SLC1A2: variants seen among roughly 807,000 people sequenced by gnomAD.
SLC1A2 encodes the protein solute carrier family 1 member 2.
A neutral mutation model predicts 48.8 loss-of-function variants in SLC1A2; 15 were observed. The observed-to-expected ratio is 0.31, with a 90% CI of 0.21 to 0.47. The LOEUF is 0.47. Ranked by LOEUF, SLC1A2 falls within the 20% of genes least tolerant of loss-of-function variation. SLC1A2 has a pLI of 0.99. For synonymous variants in SLC1A2, 279 were observed against 272.6 expected, an observed-to-expected ratio of 1.02 and a Z score of -0.23; for missense variants, 502 against 730.5, an observed-to-expected ratio of 0.69 and a Z score of 3.61.
chr11:35,277,108 T>C (rs1391076376), intron 9 of SLC1A2, among the ~76,000 whole-genome samples: 1 of 152,190 alleles, frequency 6.6e-6, no homozygotes, highest in African/African-American at 2.4e-5. Flanking sequence ...CACGATATAA[T>C]CACCTTTTAA....
intron 4 of SLC1A2, among the ~76,000 whole-genome samples, chr11:35,311,285 G>A (rs765791750): frequency 1.1e-4 from 17 of 152,152 alleles, no homozygotes; most frequent in South Asian, 1.0e-3. Flanking sequence ...TCGGCCTCCC[G>A]AGTAGCTGGG....
intron 1 of SLC1A2, among the ~76,000 whole-genome samples, chr11:35,349,793 G>A (rs1206029380): frequency 3.3e-5 from 5 of 152,240 alleles, no homozygotes; most frequent in Admixed American, 6.5e-5. Context: ...GGGATTGAGC[G>A]GGGAACACAC....
At chr11:35,284,087 T>TATATATATATATATA (rs1850729531) in intron 8 of SLC1A2, among the ~76,000 whole-genome samples, 40 of 115,840 alleles carry the variant, frequency 3.5e-4, no homozygotes, top group African/African-American at 1.3e-3. Context: ...GAAGATTTTA[T>TATATATATATATATA]TATATATATA....
intron 1 of SLC1A2, among the ~76,000 whole-genome samples, chr11:35,387,679 C>T (rs1222603265): frequency 1.3e-5 from 2 of 151,972 alleles, no homozygotes; most frequent in Non-Finnish European, 2.9e-5. Flanking sequence ...ATGTATAAGA[C>T]AGAGATATGA....
chr11:35,340,284 C>T (rs1214032197), intron 1 of SLC1A2, among the ~76,000 whole-genome samples: 1 of 152,182 alleles, frequency 6.6e-6, no homozygotes. Context: ...CCACAAAGGC[C>T]TCTAGTCCAT....
chr11:35,282,037 G>A (rs1850651808), intron 8 of SLC1A2: 1 of 152,012 alleles, frequency 6.6e-6, no homozygotes, highest in South Asian at 2.1e-4. Context: ...GAATCCTGGG[G>A]TCTTATTGCT....
At position 35,259,989 on chromosome 11, in the gene SLC1A2, C is replaced by A. The variant is rs1471103466; in HGVS notation, c.*905G>T. 1 of 152,114 alleles carries A rather than the reference C, an allele frequency of 6.6e-6. No homozygotes were observed. The highest frequency in any genetic ancestry group is 1.5e-5 in the Non-Finnish European group (1 of 68,002). The allele number at this position is 152,114 out of a possible 1,614,324, so 9.4% of individuals were successfully genotyped here. A position where few individuals can be genotyped will look rare whatever the true frequency, so the allele number is the denominator to read the frequency against. ...TTTTCTTTAGGAACCAAAAAATAAT[C>A]TTTTGGGTTAAACAAAGCAAAACAC... On this transcript the variant is annotated 3_prime_UTR_variant, in exon 11 of 11. Coordinates refer to ENST00000278379, the MANE Select transcript of SLC1A2 (RefSeq NM_004171.4).
chr11:35,332,561 G>A (rs1852465629), intron 1 of SLC1A2, among the ~76,000 whole-genome samples: 1 of 152,354 alleles, frequency 6.6e-6, no homozygotes, highest in South Asian at 2.1e-4. Flanking sequence ...TTATGTATAT[G>A]ACAAAATTAA....
chr11:35,391,098 G>T (rs1036354432), intron 1 of SLC1A2: 1 of 152,194 alleles, frequency 6.6e-6, no homozygotes, highest in African/African-American at 2.4e-5. Flanking sequence ...AGCAGGGTCA[G>T]TCAACCATGG....
chr11:35,340,628 A>G (rs1420444832), intron 1 of SLC1A2, among the ~76,000 whole-genome samples: 2 of 152,242 alleles, frequency 1.3e-5, no homozygotes, highest in Non-Finnish European at 2.9e-5. Flanking sequence ...AAAAGATTGT[A>G]GCGTAAATTA....
At chr11:35,299,353 C>CTGTGTGTGTGTGTGTG (rs368080710) in intron 6 of SLC1A2, 17 of 146,976 alleles carry the variant, frequency 1.2e-4, no homozygotes, top group African/African-American at 4.3e-4. Context: ...CTCTCTCTCT[C>CTGTGTGTGTGTGTGTG]TGTGTGTGTG....
At position 35,409,415 on chromosome 11, in the gene SLC1A2, T is replaced by G. The variant is rs553930693; in HGVS notation, c.17+9535A>C. The stretch of plus-strand genomic sequence containing the variant: ...TAGCTATACTCTTGTTCCCAATATA[T>G]TTATTTATTATTCCTTCTGACCCCT... On this transcript the variant is annotated intron_variant, in intron 1 of 10. Coordinates refer to ENST00000278379, the MANE Select transcript of SLC1A2 (RefSeq NM_004171.4). 3.3e-5 allele frequency among the ~76,000 whole-genome samples: 5 copies of G among 152,342 alleles called. No homozygotes were observed. In the South Asian group the frequency reaches 1.0e-3, roughly 32 times the overall value.
At chr11:35,261,019 C>T in intron 10 of SLC1A2, 54 bp from the exon 11 acceptor site, 1 of 1,343,204 alleles carries the variant, frequency 7.4e-7, no homozygotes, top group Non-Finnish European at 1.1e-6. Context: ...CAGAAAAAAG[C>T]CCTGTGGGTT....
intron 1 of SLC1A2, among the ~76,000 whole-genome samples, chr11:35,412,990 GA>G (rs1380493972): frequency 1.3e-5 from 2 of 152,056 alleles, no homozygotes; most frequent in Non-Finnish European, 2.9e-5. Flanking sequence ...GGGGTGGGGG[GA>G]AAGGTAGCTT....
chr11:35,269,371 G>A (rs1565203171), intron 9 of SLC1A2, among the ~76,000 whole-genome samples: 1 of 152,124 alleles, frequency 6.6e-6, no homozygotes, highest in Non-Finnish European at 1.5e-5. Context: ...TTCTCATGTA[G>A]CCAAAATAAC....
At chr11:35,348,888 G>T (rs1373153133) in intron 1 of SLC1A2, among the ~76,000 whole-genome samples, 1 of 93,822 alleles carries the variant, frequency 1.1e-5, no homozygotes, top group Non-Finnish European at 2.0e-5. Context: ...CCGAGACCTG[G>T]TCTCAAAAAA....
intron 9 of SLC1A2, among the ~76,000 whole-genome samples, chr11:35,268,641 G>T (rs1181736484): frequency 6.6e-6 from 1 of 150,920 alleles, no homozygotes; most frequent in African/African-American, 2.4e-5. Context: ...CTCCAGTCTG[G>T]GCAAGAGCAA....
intron 1 of SLC1A2, among the ~76,000 whole-genome samples, chr11:35,389,245 CA>C (rs745779988): frequency 1.3e-5 from 2 of 151,898 alleles, no homozygotes; most frequent in African/African-American, 4.8e-5. Context: ...ATATTCCAAG[CA>C]AAAAAATGAC....
chr11:35,301,546 A>G lies in SLC1A2; in HGVS notation c.830T>C (p.Val277Ala), dbSNP rs1026253663. 1.2e-6 allele frequency: 2 copies of G among 1,613,746 alleles called. No homozygotes were observed. The change falls in exon 6 of 11, where the codon GTA becomes GCA. Residue 277 changes from valine (V) to alanine (A), a missense_variant. Physicochemically the swap from Val to Ala is moderately conservative, Grantham distance 64. Coordinates refer to ENST00000278379, the MANE Select transcript of SLC1A2 (RefSeq NM_004171.4). ...VDFFNILNEI[V>A]MKLVIMIMWY... ...CATGATCATGATCACTAACTTCATT[A>G]CAATCTCATTCAAAATGTTGAAGAA...
Sources: gnomAD v4.1 joint callset for allele counts (sites outside exome capture counted in the v4.1 genomes callset) on GRCh38, gnomAD v4.1.1 for gene constraint, MANE v1.5 for transcripts, NCBI Gene and HGNC (gene_info 2026-07-23, HGNC 2026-07-21) for gene names.